The following PKHD1 variants were observed in gnomAD, a reference collection of about 807,000 sequenced individuals.
PKHD1 encodes the protein PKHD1 ciliary IPT domain containing fibrocystin/polyductin.
PKHD1 carries 291 observed loss-of-function variants against 412.0 expected under a neutral mutation model. The observed-to-expected ratio is 0.71, with a 90% CI of 0.64 to 0.78. PKHD1 has a LOEUF of 0.78. Among genes scored for constraint, PKHD1 ranks in the 30% least tolerant of loss-of-function variants. PKHD1 has a pLI of 0.00. For missense variants in PKHD1, 4,825 were observed against 4,950.7 expected, an observed-to-expected ratio of 0.97 and a Z score of 0.76; for synonymous variants, 1,777 against 1,821.5, an observed-to-expected ratio of 0.98 and a Z score of 0.62.
intron 48 of PKHD1, among the ~76,000 whole-genome samples, chr6:51,863,113 G>T (rs1397187158): frequency 1.3e-5 from 2 of 152,120 alleles, no homozygotes; most frequent in African/African-American, 4.8e-5. Context: ...AGTGATGAAA[G>T]AACTGAAACA....
At chr6:51,891,297 G>A (rs1779082316) in intron 43 of PKHD1, among the ~76,000 whole-genome samples, 1 of 151,898 alleles carries the variant, frequency 6.6e-6, no homozygotes, top group Non-Finnish European at 1.5e-5. Context: ...TTTCTTTTTT[G>A]AGATGGAGTT....
At chr6:51,844,648 A>T (rs562534629) in intron 50 of PKHD1, among the ~76,000 whole-genome samples, 2 of 152,268 alleles carry the variant, frequency 1.3e-5, no homozygotes, top group South Asian at 4.1e-4. Flanking sequence ...GCAGCAGCCA[A>T]ACAGAGGAAA....
intron 55 of PKHD1, among the ~76,000 whole-genome samples, chr6:51,760,743 G>A (rs191259246): frequency 3.0e-4 from 45 of 152,148 alleles, no homozygotes; most frequent in African/African-American, 8.9e-4. Context: ...TAACATAGGA[G>A]ATAAAGGAAT....
At chr6:51,794,996 C>T (rs908201397) in intron 52 of PKHD1, among the ~76,000 whole-genome samples, 5 of 152,108 alleles carry the variant, frequency 3.3e-5, no homozygotes, top group Admixed American at 6.6e-5. Context: ...TTAGGATTGC[C>T]TTGGCTATTC....
intron 63 of PKHD1, among the ~76,000 whole-genome samples, chr6:51,640,678 C>A (rs190750376): frequency 1.3e-5 from 2 of 152,176 alleles, no homozygotes; most frequent in Non-Finnish European, 1.5e-5. Context: ...TTCTAAAATA[C>A]CTTTGCAGCC....
At chr6:51,974,986 A>T (rs1342332925) in intron 35 of PKHD1, among the ~76,000 whole-genome samples, 1 of 152,184 alleles carries the variant, frequency 6.6e-6, no homozygotes, top group Non-Finnish European at 1.5e-5. Flanking sequence ...CAACCTTACT[A>T]ACACCTTGAT....
intron 1 of PKHD1, among the ~76,000 whole-genome samples, chr6:52,086,180 A>G (rs1360576077): frequency 6.6e-6 from 1 of 150,632 alleles, no homozygotes; most frequent in East Asian, 2.0e-4. Context: ...GCATGATGTC[A>G]GTTCACTGCA....
rs1562252672 is a variant in PKHD1 at position 52,058,357 on chromosome 6, A to G, written c.1478T>C (p.Ile493Thr). The G allele has an allele frequency of 6.2e-7, 1 of 1,614,158 alleles. No homozygotes were observed. The change falls in exon 16 of 67, where the codon ATC becomes ACC. Residue 493 changes from isoleucine (I) to threonine (T), a missense_variant. Ile to Thr is a moderately conservative substitution (Grantham distance 89, BLOSUM62 -1). Coordinates refer to ENST00000371117, the MANE Select transcript of PKHD1 (RefSeq NM_138694.4). ...VTTYLREKHQ[I>T]RVRAQRLPEV... is the part of the protein sequence containing the mutation. ...TGGAAGCCTCTGGGCTCGGACTCGG[A>G]TCTGGTGCTTCTCCCGTAGGTAAGT...
chr6:51,799,618 C>T (rs1454243077), intron 52 of PKHD1, among the ~76,000 whole-genome samples: 2 of 152,090 alleles, frequency 1.3e-5, no homozygotes, highest in African/African-American at 2.4e-5. Flanking sequence ...CCTTGTATCA[C>T]AATAATAAAT....
chr6:51,881,340 T>C (rs1777312381), intron 46 of PKHD1, among the ~76,000 whole-genome samples: 1 of 152,174 alleles, frequency 6.6e-6, no homozygotes, highest in East Asian at 1.9e-4. Context: ...GTTACTTTTC[T>C]GTGACAAGAG....
intron 35 of PKHD1, among the ~76,000 whole-genome samples, chr6:51,991,248 A>T (rs1797007311): frequency 6.6e-6 from 1 of 152,234 alleles, no homozygotes; most frequent in African/African-American, 2.4e-5. Context: ...TAAGACTGGA[A>T]TGGAAGATAG....
chr6:51,931,986 G>C (rs1161456321), intron 37 of PKHD1, among the ~76,000 whole-genome samples: 1 of 151,972 alleles, frequency 6.6e-6, no homozygotes, highest in Non-Finnish European at 1.5e-5. Flanking sequence ...GGAGAATAAA[G>C]GAGAGGGAGA....
At chr6:51,801,710 A>G (rs1384913803) in intron 52 of PKHD1, among the ~76,000 whole-genome samples, 4 of 151,186 alleles carry the variant, frequency 2.6e-5, no homozygotes, top group Non-Finnish European at 5.9e-5. Flanking sequence ...AGAGAAAAAT[A>G]GCTCTTCTCA....
At position 51,838,656 on chromosome 6, in the gene PKHD1, G is replaced by A. The variant is rs1204753307; in HGVS notation, c.8108-2187C>T. 2.0e-5 allele frequency among the ~76,000 whole-genome samples: 3 copies of A among 152,276 alleles called. No homozygotes were observed. The East Asian group carries it at 5.8e-4, about 29-fold the overall frequency. On this transcript the variant is annotated intron_variant, in intron 50 of 66. Coordinates refer to ENST00000371117, the MANE Select transcript of PKHD1 (RefSeq NM_138694.4). ...CATCTACATGCATCTGGGGGCAGAT[G>A]AGTATGAGACAGAGGGCTATCTCTT...
intron 36 of PKHD1, among the ~76,000 whole-genome samples, chr6:51,956,917 G>T (rs1311311101): frequency 6.6e-6 from 1 of 152,076 alleles, no homozygotes; most frequent in African/African-American, 2.4e-5. Flanking sequence ...GTAAGGACCA[G>T]TGATTTGATT....
intron 52 of PKHD1, among the ~76,000 whole-genome samples, chr6:51,816,457 C>T (rs922711322): frequency 6.6e-6 from 1 of 152,172 alleles, no homozygotes; most frequent in Non-Finnish European, 1.5e-5. Context: ...CTGTGGTGGG[C>T]TTTGTAGCCA....
At chr6:52,004,970 TC>T (rs1270951898) in intron 35 of PKHD1, among the ~76,000 whole-genome samples, 3 of 152,286 alleles carry the variant, frequency 2.0e-5, no homozygotes, top group Admixed American at 1.3e-4. Context: ...CCTGCAGACT[TC>T]TAGAGTTCCT....
chr6:52,048,348 G>A, intron 23 of PKHD1, 144 bp downstream of exon 23: 1 of 893,884 alleles, frequency 1.1e-6, no homozygotes, highest in Non-Finnish European at 1.9e-6. Context: ...TTCACTTTAA[G>A]AATGTCACTT....
chr6:51,959,798 T>A (rs536789287), intron 36 of PKHD1, 72 bp downstream of exon 36: 154 of 1,352,572 alleles, frequency 1.1e-4, no homozygotes, highest in South Asian at 8.4e-4. Flanking sequence ...CCAGAAAGTT[T>A]CCCTCCTCCA....
Sources: gnomAD v4.1 joint callset for allele counts (sites outside exome capture counted in the v4.1 genomes callset) on GRCh38, gnomAD v4.1.1 for gene constraint, MANE v1.5 for transcripts, NCBI Gene and HGNC (gene_info 2026-07-23, HGNC 2026-07-21) for gene names.